The following STK24 variants were observed in gnomAD, a reference collection of about 807,000 sequenced individuals.
STK24 encodes the protein serine/threonine-protein kinase 24.
A neutral mutation model predicts 55.6 loss-of-function variants in STK24; 21 were observed. That is an observed-to-expected ratio of 0.38 (90% CI 0.27 to 0.54). The LOEUF (loss-of-function observed/expected upper bound fraction) is 0.54, where lower values mean the gene tolerates loss of function less well. STK24 is among the 20% of genes least tolerant of loss of function. The probability of loss-of-function intolerance (pLI) is 0.79; values close to 1 mark genes in which losing one functional copy is unlikely to be tolerated. For synonymous variants in STK24, 200 were observed against 215.2 expected (o/e 0.93, Z 0.62); for missense variants, 383 against 538.4 (o/e 0.71, Z 2.86).
intron 2 of STK24, among the ~76,000 whole-genome samples, chr13:98,489,698 C>T (rs1178500673): frequency 6.6e-6 from 1 of 152,146 alleles, no homozygotes; most frequent in Non-Finnish European, 1.5e-5. Context: ...CAGCCTGGGG[C>T]AGGGGGTGTG....
intron 3 of STK24, among the ~76,000 whole-genome samples, chr13:98,477,309 G>C (rs1894414164): frequency 6.6e-6 from 1 of 152,190 alleles, no homozygotes; most frequent in Non-Finnish European, 1.5e-5. Context: ...GAGGAGGATA[G>C]AGATGCCGGA....
chr13:98,559,958 G>C (rs1483233741), intron 1 of STK24, among the ~76,000 whole-genome samples: 1 of 152,028 alleles, frequency 6.6e-6, no homozygotes, highest in African/African-American at 2.4e-5. Context: ...AGTCCAGACT[G>C]GGCAACATAG....
chr13:98,550,982 C>T (rs1308068180), intron 1 of STK24, among the ~76,000 whole-genome samples: 1 of 151,998 alleles, frequency 6.6e-6, no homozygotes, highest in East Asian at 1.9e-4. Context: ...TATATTGTGA[C>T]CAGCCTATAA....
At chr13:98,568,063 G>C (rs542105439) in intron 1 of STK24, among the ~76,000 whole-genome samples, 1 of 151,418 alleles carries the variant, frequency 6.6e-6, no homozygotes, top group Non-Finnish European at 1.5e-5. Context: ...GCAATGGCGC[G>C]ATCTCGGCTC....
chr13:98,509,685 G>A (rs2139362536), intron 2 of STK24, among the ~76,000 whole-genome samples: 1 of 152,316 alleles, frequency 6.6e-6, no homozygotes, highest in East Asian at 1.9e-4. Flanking sequence ...CGCTGGCCAA[G>A]ATAAGAACTT....
intron 10 of STK24, chr13:98,454,208 G>C (rs1363948628): frequency 2.0e-5 from 3 of 152,246 alleles, no homozygotes; most frequent in Admixed American, 2.0e-4. Context: ...TGCACCCAAA[G>C]ATGCTGATGA....
chr13:98,527,338 C>A (rs748228922), intron 1 of STK24, among the ~76,000 whole-genome samples: 4 of 152,214 alleles, frequency 2.6e-5, no homozygotes, highest in Admixed American at 6.5e-5. Flanking sequence ...CCCTCCACTT[C>A]ATCTAAAAAG....
At chr13:98,576,451 G>A (rs1897895002) in intron 1 of STK24, among the ~76,000 whole-genome samples, 1 of 152,098 alleles carries the variant, frequency 6.6e-6, no homozygotes, top group Non-Finnish European at 1.5e-5. Context: ...TGCAGCTCCG[G>A]AAGAGTGTTG....
At chr13:98,459,243 G>C (rs1467876624) in intron 9 of STK24, among the ~76,000 whole-genome samples, 1 of 152,228 alleles carries the variant, frequency 6.6e-6, no homozygotes, top group Non-Finnish European at 1.5e-5. Context: ...TCCTAGTTAG[G>C]AAGAACACAG....
chr13:98,569,585 T>C (rs762866007), intron 1 of STK24, among the ~76,000 whole-genome samples: 4 of 152,088 alleles, frequency 2.6e-5, no homozygotes, highest in African/African-American at 9.7e-5. Flanking sequence ...TAAGACAAGG[T>C]TGCAACAACT....
At chr13:98,462,914 CTT>C (rs1893772990) in intron 7 of STK24, among the ~76,000 whole-genome samples, 1 of 152,202 alleles carries the variant, frequency 6.6e-6, no homozygotes, top group African/African-American at 2.4e-5. Context: ...GTCTCTTTCT[CTT>C]GTCATCCCTG....
intron 1 of STK24, among the ~76,000 whole-genome samples, chr13:98,530,175 CCCAGACAGAAACACACACAAATA>C (rs1199913954): frequency 1.3e-5 from 2 of 152,048 alleles, no homozygotes; most frequent in African/African-American, 4.8e-5. Context: ...GTCTGTGGCC[CCCAGACAGAAACACACACAAATA>C]CTTCCAGAAA....
chr13:98,446,721 C>CT lies in STK24; in HGVS notation c.*6451dup. On this transcript the variant is annotated 3_prime_UTR_variant, in exon 11 of 11. Coordinates refer to ENST00000539966, the MANE Select transcript of STK24 (RefSeq NM_001032296.4). ...CTCGGCTACTCGCTCACCATCCCCTCTGAGTCCGAGAACATCCAGAAAGAC... is the reference window on the plus strand; with the variant it reads ...CTCGGCTACTCGCTCACCATCCCCTCTTGAGTCCGAGAACATCCAGAAAGAC... 3 of 1,614,214 alleles carry CT rather than the reference C, an allele frequency of 1.9e-6. No individual in the cohort carries two copies. Among genetic ancestry groups the CT allele is most frequent in the South Asian group, 1.1e-5 (1 of 91,088 alleles).
Position 98,576,754 on chromosome 13 carries a change from G to C in STK24, c.33C>G (p.Pro11=). 6.9e-6 allele frequency: 10 copies of C among 1,457,854 alleles called. No individual in the cohort carries two copies. The highest frequency in any genetic ancestry group is 1.5e-5 in the African/African-American group (1 of 67,628). The allele number at this position is 1,457,854 out of a possible 1,614,324, so 90.3% of individuals were successfully genotyped here. The change falls in exon 1 of 11, where the codon CCC becomes CCG. Residue 11 remains proline (P), a synonymous_variant. Coordinates refer to ENST00000539966, the MANE Select transcript of STK24 (RefSeq NM_001032296.4). The part of the protein sequence containing the change: MAHSPVQSGL[P]GMQNLKADPE... ...GCCCGCGCCCGCCTACCTGCATGCC[G>C]GGCAGGCCCGACTGCACCGGGGAGT...
chr13:98,528,467 G>A (rs961247778), intron 1 of STK24, among the ~76,000 whole-genome samples: 1 of 152,160 alleles, frequency 6.6e-6, no homozygotes, highest in Admixed American at 6.5e-5. Context: ...AAACCCAAGT[G>A]CGAAGTATCC....
intron 2 of STK24, among the ~76,000 whole-genome samples, chr13:98,484,640 C>A (rs114207386): frequency 1.3e-5 from 2 of 152,166 alleles, no homozygotes; most frequent in Non-Finnish European, 2.9e-5. Context: ...AATCTGACCA[C>A]GAAGGTACGT....
At chr13:98,520,326 T>C (rs993782541) in intron 1 of STK24, among the ~76,000 whole-genome samples, 3 of 152,092 alleles carry the variant, frequency 2.0e-5, no homozygotes, top group African/African-American at 7.2e-5. Context: ...CAGCTCAAAA[T>C]GCCAATGGCA....
intron 1 of STK24, among the ~76,000 whole-genome samples, chr13:98,550,807 T>C (rs1897138755): frequency 6.6e-6 from 1 of 152,186 alleles, no homozygotes; most frequent in Non-Finnish European, 1.5e-5. Context: ...CAAAATAAAA[T>C]GAAATCATTT....
intron 1 of STK24, among the ~76,000 whole-genome samples, chr13:98,529,539 C>T (rs993752635): frequency 1.3e-5 from 2 of 152,340 alleles, no homozygotes; most frequent in African/African-American, 2.4e-5. Flanking sequence ...CCCTCACTTA[C>T]CCTCTTGTCA....
Sources: gnomAD v4.1 joint callset for allele counts (sites outside exome capture counted in the v4.1 genomes callset) on GRCh38, gnomAD v4.1.1 for gene constraint, MANE v1.5 for transcripts, NCBI Gene and HGNC (gene_info 2026-07-23, HGNC 2026-07-21) for gene names.